The following EPB41L2 variants were observed in gnomAD, a reference collection of about 807,000 sequenced individuals.
EPB41L2 encodes the protein band 4.1-like protein 2.
A neutral mutation model predicts 113.0 loss-of-function variants in EPB41L2; 43 were observed. The observed-to-expected ratio is 0.38, with a 90% confidence interval of 0.30 to 0.49. EPB41L2 has a LOEUF of 0.49. EPB41L2 is among the 20% of genes least tolerant of loss of function. The pLI is 0.95. For synonymous variants in EPB41L2, 442 were observed against 436.7 expected, an observed-to-expected ratio of 1.01 and a Z score of -0.15; for missense variants, 1,147 against 1,223.4, an observed-to-expected ratio of 0.94 and a Z score of 0.93.
chr6:131,062,203 T>TAAA (rs755575477), intron 1 of EPB41L2, among the ~76,000 whole-genome samples: 1 of 144,302 alleles, frequency 6.9e-6, no homozygotes, highest in Non-Finnish European at 1.5e-5. Context: ...TACATATATA[T>TAAA]AAAAAAAAAA....
intron 16 of EPB41L2, 51 bp downstream of exon 16, chr6:130,867,408 T>C (rs373508628): frequency 4.4e-6 from 7 of 1,583,956 alleles, no homozygotes; most frequent in Admixed American, 1.9e-5. Context: ...AAAACATAGA[T>C]ACACTAAGGG....
intron 3 of EPB41L2, among the ~76,000 whole-genome samples, chr6:130,954,343 G>T (rs930113719): frequency 2.6e-5 from 4 of 151,946 alleles, no homozygotes; most frequent in Non-Finnish European, 5.9e-5. Flanking sequence ...TTGAGCCACC[G>T]CACCCAGCCC....
intron 3 of EPB41L2, among the ~76,000 whole-genome samples, chr6:130,947,834 T>C (rs1813466495): frequency 6.6e-6 from 1 of 152,174 alleles, no homozygotes; most frequent in Admixed American, 6.5e-5. Context: ...AAAACTTGTA[T>C]AAAAGGAAAA....
At chr6:131,034,411 C>T (rs1792871293) in intron 1 of EPB41L2, among the ~76,000 whole-genome samples, 1 of 152,144 alleles carries the variant, frequency 6.6e-6, no homozygotes, top group Non-Finnish European at 1.5e-5. Flanking sequence ...AATTCGAGAT[C>T]AGTCTGGGCA....
At chr6:130,934,796 C>G (rs949298204) in intron 3 of EPB41L2, among the ~76,000 whole-genome samples, 2 of 129,296 alleles carry the variant, frequency 1.5e-5, no homozygotes, top group South Asian at 2.4e-4. Flanking sequence ...TTTTTGTTTT[C>G]TTTTTTTTTT....
chr6:131,011,428 A>T (rs1352447077), intron 1 of EPB41L2, among the ~76,000 whole-genome samples: 1 of 152,242 alleles, frequency 6.6e-6, no homozygotes, highest in Non-Finnish European at 1.5e-5. Flanking sequence ...TTTTTCCACT[A>T]ACAAGGTGGA....
intron 1 of EPB41L2, among the ~76,000 whole-genome samples, chr6:130,981,591 A>G (rs9375789): frequency 6.6e-6 from 1 of 152,078 alleles, no homozygotes; most frequent in Non-Finnish European, 1.5e-5. Flanking sequence ...CACAAATACT[A>G]TCTCTGGAAC....
chr6:130,873,313 C>T (rs1400565996), intron 14 of EPB41L2, among the ~76,000 whole-genome samples: 4 of 152,176 alleles, frequency 2.6e-5, no homozygotes, highest in Non-Finnish European at 5.9e-5. Context: ...TTTAACTTTG[C>T]TGTGTCTGGC....
chr6:130,951,740 A>G (rs1815186946), intron 3 of EPB41L2, among the ~76,000 whole-genome samples: 1 of 151,996 alleles, frequency 6.6e-6, no homozygotes, highest in African/African-American at 2.4e-5. Flanking sequence ...ATACTTGCCC[A>G]CTATACTGTT....
intron 19 of EPB41L2, among the ~76,000 whole-genome samples, chr6:130,846,334 CT>C (rs1468345962): frequency 6.6e-6 from 1 of 152,162 alleles, no homozygotes; most frequent in Non-Finnish European, 1.5e-5. Context: ...TCAGTTTTGA[CT>C]TATGATAAAT....
At chr6:130,924,690 T>C (rs1804051086) in intron 4 of EPB41L2, among the ~76,000 whole-genome samples, 1 of 152,152 alleles carries the variant, frequency 6.6e-6, no homozygotes, top group Admixed American at 6.5e-5. Context: ...ACTAGTTCTA[T>C]TTTTAATTTT....
At chr6:131,061,145 T>C (rs1245755606) in intron 1 of EPB41L2, among the ~76,000 whole-genome samples, 1 of 152,170 alleles carries the variant, frequency 6.6e-6, no homozygotes, top group African/African-American at 2.4e-5. Context: ...TGACTAAGTC[T>C]TTCTTACAGA....
intron 7 of EPB41L2, among the ~76,000 whole-genome samples, chr6:130,900,159 C>T (rs545083534): frequency 6.6e-6 from 1 of 152,252 alleles, no homozygotes; most frequent in East Asian, 1.9e-4. Flanking sequence ...TATTTCACAT[C>T]AGAATTATAC....
intron 1 of EPB41L2, among the ~76,000 whole-genome samples, chr6:130,972,383 C>G (rs754697337): frequency 7.4e-5 from 11 of 149,514 alleles, no homozygotes; most frequent in Non-Finnish European, 1.3e-4. Context: ...ACTACATCCA[C>G]CTATCATATG....
intron 3 of EPB41L2, among the ~76,000 whole-genome samples, chr6:130,933,116 T>C (rs879305152): frequency 6.6e-6 from 1 of 152,218 alleles, no homozygotes; most frequent in Non-Finnish European, 1.5e-5. Context: ...GAGTAGGCCA[T>C]ACCTCATCTT....
At chr6:130,862,675 C>T (rs776124191) in intron 18 of EPB41L2, among the ~76,000 whole-genome samples, 4 of 152,078 alleles carry the variant, frequency 2.6e-5, no homozygotes, top group East Asian at 1.9e-4. Context: ...AAGTACATTA[C>T]GAATATGTAA....
chr6:131,056,785 G>A (rs1287858609), intron 1 of EPB41L2, among the ~76,000 whole-genome samples: 1 of 152,184 alleles, frequency 6.6e-6, no homozygotes, highest in Non-Finnish European at 1.5e-5. Context: ...ATTTGCCCAA[G>A]GTCACAATGG....
At chr6:131,026,349 C>T (rs1790863569) in intron 1 of EPB41L2, among the ~76,000 whole-genome samples, 1 of 152,226 alleles carries the variant, frequency 6.6e-6, no homozygotes, top group Non-Finnish European at 1.5e-5. Flanking sequence ...GCAGAACACA[C>T]ACAGTAGACA....
At chr6:130,848,215 A>G (rs1035375718) in intron 19 of EPB41L2, among the ~76,000 whole-genome samples, 1 of 146,942 alleles carries the variant, frequency 6.8e-6, no homozygotes, top group African/African-American at 2.5e-5. Flanking sequence ...ACACACACAC[A>G]CACACACACA....
Sources: allele counts gnomAD v4.1 joint callset (sites outside exome capture counted in the v4.1 genomes callset), GRCh38; gene constraint gnomAD v4.1.1; transcripts MANE v1.5; gene names NCBI Gene and HGNC (gene_info 2026-07-23, HGNC 2026-07-21).